Variants in MS4A4E observed in about 807,000 individuals in gnomAD.
MS4A4E encodes the protein putative membrane-spanning 4-domains subfamily A member 4E.
MS4A4E carries 23 observed loss-of-function variants against 13.3 expected under a neutral mutation model. The ratio of observed to expected loss-of-function variants is 1.73; its 90% CI spans 1.25 to 2.45. The LOEUF (loss-of-function observed/expected upper bound fraction) is 2.45. Among genes scored for constraint, MS4A4E ranks in the 30% most tolerant of loss-of-function variants. The pLI, the probability that MS4A4E is intolerant of heterozygous loss-of-function variation, is 0.00. For missense variants in MS4A4E, 144 were observed against 131.2 expected, an observed-to-expected ratio of 1.10 and a Z score of -0.48; for synonymous variants, 36 against 45.6, an observed-to-expected ratio of 0.79 and a Z score of 0.85.
At chr11:60,207,896 TAG>T (rs1310987828) in intron 6 of MS4A4E, among the ~76,000 whole-genome samples, 13 of 152,198 alleles carry the variant, frequency 8.5e-5, no homozygotes, top group African/African-American at 2.7e-4. Context: ...CACAGACTGA[TAG>T]AGAAGTCTGA....
intron 6 of MS4A4E, 21 bp downstream of exon 6, chr11:60,208,572 C>G (rs2084078472): frequency 1.1e-6 from 1 of 922,490 alleles, no homozygotes; most frequent in Admixed American, 2.1e-5. Context: ...CAGATACCTT[C>G]AAATGAAGGC....
At chr11:60,237,172 C>G (rs2084494087) in intron 1 of MS4A4E, among the ~76,000 whole-genome samples, 1 of 152,196 alleles carries the variant, frequency 6.6e-6, no homozygotes, top group South Asian at 2.1e-4. Flanking sequence ...TCATCTAGCT[C>G]CACTTATAAG....
At position 60,217,295 on chromosome 11, in the gene MS4A4E, C is replaced by A. The variant is rs149301290; in HGVS notation, c.179-2681G>T. On this transcript the variant is annotated intron_variant, in intron 3 of 8. Transcript: ENST00000651255. The stretch of plus-strand genomic sequence containing the variant: ...GTGCATGCATAGACTCACCAGGTGT[C>A]TACTGTTAAAGCGAGAGCATTGATT... Among the ~76,000 whole-genome samples, 8 of 152,290 alleles carry A rather than the reference C, an allele frequency of 5.3e-5. 1 individual carries two copies. Among genetic ancestry groups the A allele is most frequent in the African/African-American group, 1.9e-4 (8 of 41,564 alleles).
chr11:60,241,214 A>C (rs2084546109), intron 1 of MS4A4E, among the ~76,000 whole-genome samples: 1 of 152,046 alleles, frequency 6.6e-6, no homozygotes, highest in Non-Finnish European at 1.5e-5. Context: ...TTAGTAGAGA[A>C]GGGATTTCAC....
At position 60,201,639 on chromosome 11, in the gene MS4A4E, C is replaced by T. The variant is rs139959845; in HGVS notation, c.900G>A (p.Pro300=). 8.0e-3 allele frequency: 2,456 copies of T among 307,404 alleles called. 61 individuals are homozygous for T. The highest frequency in any genetic ancestry group is 0.052 in the African/African-American group (2,220 of 43,094). 19.0% of individuals were successfully genotyped at this position (307,404 alleles called of 1,614,324 possible). The change falls in exon 9 of 9, where the codon CCG becomes CCA. Residue 300 remains proline (P), a synonymous_variant. Coordinates refer to ENST00000651255, the MANE Select transcript of MS4A4E (RefSeq NM_001393391.1). ...PSLESEERLC[P]AAIPSRKWGA... is the part of the protein sequence containing the mutation. ...CCCACTTCCTAGATGGGATGGCAGC[C>T]GGGCAGAGACGCTCCTCACTTTCCA...
At chr11:60,232,998 G>A (rs1305405979) in intron 1 of MS4A4E, among the ~76,000 whole-genome samples, 1 of 151,986 alleles carries the variant, frequency 6.6e-6, no homozygotes, top group Non-Finnish European at 1.5e-5. Context: ...ATTGAGCTAC[G>A]TCACCCCACC....
At chr11:60,238,434 CAT>C (rs1491096286) in intron 1 of MS4A4E, among the ~76,000 whole-genome samples, 2 of 151,932 alleles carry the variant, frequency 1.3e-5, no homozygotes, top group African/African-American at 2.4e-5. Context: ...TTGACCATTT[CAT>C]ATGTTATCTG....
In MS4A4E at chr11:60,200,532, C is replaced by T. The variant is rs575673971; in HGVS notation, c.*1011G>A. ...GCCTTCAAGCATCTGTTTAACAAAGCACACCTTGCACCGCCCTTAATCCAT... is the reference window on the plus strand; with the variant it reads ...GCCTTCAAGCATCTGTTTAACAAAGTACACCTTGCACCGCCCTTAATCCAT... On this transcript the variant is annotated 3_prime_UTR_variant, in exon 9 of 9. Transcript: ENST00000651255. Among the ~76,000 whole-genome samples the T allele has an allele frequency of 6.7e-3, 1,021 of 152,268 alleles. 12 individuals are homozygous for T. Among genetic ancestry groups the T allele is most frequent in the African/African-American group, 0.023 (973 of 41,562 alleles).
At chr11:60,215,172 T>C (rs1178945556) in intron 3 of MS4A4E, among the ~76,000 whole-genome samples, 5 of 151,972 alleles carry the variant, frequency 3.3e-5, no homozygotes, top group Admixed American at 1.3e-4. Context: ...TTTTATTTCC[T>C]TTACAAATTT....
At chr11:60,226,304 A>T (rs193231268) in intron 3 of MS4A4E, among the ~76,000 whole-genome samples, 4 of 152,074 alleles carry the variant, frequency 2.6e-5, no homozygotes, top group Admixed American at 2.6e-4. Context: ...ACTATTATCT[A>T]CCAAAAAAAA....
intron 5 of MS4A4E, among the ~76,000 whole-genome samples, chr11:60,210,744 C>T (rs1041037422): frequency 6.6e-6 from 1 of 152,096 alleles, no homozygotes; most frequent in Admixed American, 6.5e-5. Flanking sequence ...GCTCATAGAC[C>T]TGTGGACTGA....
intron 8 of MS4A4E, among the ~76,000 whole-genome samples, chr11:60,204,072 A>G (rs765310962): frequency 2.0e-5 from 3 of 152,250 alleles, no homozygotes; most frequent in Non-Finnish European, 4.4e-5. Flanking sequence ...AATTTAAACC[A>G]ACAGAAGGCA....
chr11:60,220,005 A>G (rs945448381), intron 3 of MS4A4E, among the ~76,000 whole-genome samples: 3 of 152,194 alleles, frequency 2.0e-5, no homozygotes, highest in African/African-American at 7.2e-5. Context: ...CAGGACCCCC[A>G]CACTGGCCCC....
At chr11:60,238,211 C>G (rs1420955348) in intron 1 of MS4A4E, among the ~76,000 whole-genome samples, 1 of 151,524 alleles carries the variant, frequency 6.6e-6, no homozygotes, top group East Asian at 1.9e-4. Flanking sequence ...TGGAATTGTT[C>G]CCTTCTCTTC....
At chr11:60,218,344 C>T (rs1373743821) in intron 3 of MS4A4E, among the ~76,000 whole-genome samples, 1 of 152,196 alleles carries the variant, frequency 6.6e-6, no homozygotes, top group African/African-American at 2.4e-5. Flanking sequence ...CTCCACTTGC[C>T]TTGTGATATT....
intron 3 of MS4A4E, among the ~76,000 whole-genome samples, chr11:60,223,961 T>C (rs1351249065): frequency 6.6e-6 from 1 of 152,110 alleles, no homozygotes; most frequent in East Asian, 1.9e-4. Context: ...ACACTCTCCT[T>C]CAAATCTTTC....
intron 1 of MS4A4E, among the ~76,000 whole-genome samples, chr11:60,238,443 T>A (rs1163921758): frequency 6.6e-6 from 1 of 152,076 alleles, no homozygotes; most frequent in Non-Finnish European, 1.5e-5. Flanking sequence ...TCATATGTTA[T>A]CTGATTTATT....
At chr11:60,231,191 T>C (rs537414187) in intron 1 of MS4A4E, among the ~76,000 whole-genome samples, 2 of 151,970 alleles carry the variant, frequency 1.3e-5, no homozygotes, top group East Asian at 1.9e-4. Flanking sequence ...AAATAAAAGA[T>C]TAATCATTTA....
intron 3 of MS4A4E, chr11:60,224,944 A>G: frequency 3.4e-6 from 5 of 1,488,536 alleles, no homozygotes; most frequent in Non-Finnish European, 4.5e-6. Context: ...ATCCAATTAT[A>G]TCAAAAAATA....
Sources: allele counts gnomAD v4.1 joint callset (sites outside exome capture counted in the v4.1 genomes callset), GRCh38; gene constraint gnomAD v4.1.1; transcripts MANE v1.5; gene names NCBI Gene and HGNC (gene_info 2026-07-23, HGNC 2026-07-21).